SNTB1: variants seen among roughly 807,000 people sequenced by gnomAD.
SNTB1 encodes syntrophin beta 1.
Under a neutral mutation model 48.9 loss-of-function variants are expected in SNTB1, and 36 were observed. The observed-to-expected ratio is 0.74, with a 90% confidence interval of 0.56 to 0.97. SNTB1 has a LOEUF of 0.97. Ranked by LOEUF, SNTB1 falls within the 50% of genes least tolerant of loss-of-function variation. SNTB1 has a pLI of 0.00. For missense variants in SNTB1, 786 were observed against 703.4 expected, an observed-to-expected ratio of 1.12 and a Z score of -1.33; for synonymous variants, 299 against 294.6, an observed-to-expected ratio of 1.01 and a Z score of -0.15.
At chr8:120,549,197 A>T (rs1295824853) in intron 4 of SNTB1, among the ~76,000 whole-genome samples, 1 of 152,226 alleles carries the variant, frequency 6.6e-6, no homozygotes, top group Non-Finnish European at 1.5e-5. Flanking sequence ...TAATTTGTGC[A>T]AATTCAACTA....
intron 1 of SNTB1, among the ~76,000 whole-genome samples, chr8:120,791,677 C>G (rs77870609): frequency 0.023 from 3,498 of 151,924 alleles, 129 homozygotes; most frequent in African/African-American, 0.08. Context: ...AGAAGATATA[C>G]AAATTCCAAC....
chr8:120,611,098 C>T (rs977936323), intron 3 of SNTB1, among the ~76,000 whole-genome samples: 11 of 152,200 alleles, frequency 7.2e-5, no homozygotes, highest in African/African-American at 2.7e-4. Flanking sequence ...AATAAGAGCC[C>T]TGAGCAGGTC....
intron 4 of SNTB1, among the ~76,000 whole-genome samples, chr8:120,566,854 A>C (rs1815758093): frequency 6.6e-6 from 1 of 152,306 alleles, no homozygotes; most frequent in South Asian, 2.1e-4. Context: ...ACTTTGCATG[A>C]TTAGGGGTAA....
chr8:120,754,337 A>G (rs1819276443), intron 1 of SNTB1, among the ~76,000 whole-genome samples: 1 of 152,110 alleles, frequency 6.6e-6, no homozygotes. Context: ...TACAAAAAAA[A>G]TCAAGAAAAA....
chr8:120,674,153 A>G (rs1191127465), intron 2 of SNTB1, among the ~76,000 whole-genome samples: 1 of 152,212 alleles, frequency 6.6e-6, no homozygotes, highest in Non-Finnish European at 1.5e-5. Context: ...TCATTGCTGA[A>G]GAAATTCTAA....
chr8:120,599,787 C>CT (rs1816392995), intron 3 of SNTB1, among the ~76,000 whole-genome samples: 1 of 152,098 alleles, frequency 6.6e-6, no homozygotes, highest in African/African-American at 2.4e-5. Context: ...ATATTAAGTG[C>CT]TTTTCTCTTT....
At chr8:120,606,912 A>T (rs1410362355) in intron 3 of SNTB1, among the ~76,000 whole-genome samples, 1 of 152,224 alleles carries the variant, frequency 6.6e-6, no homozygotes, top group Non-Finnish European at 1.5e-5. Context: ...CCACAATTAC[A>T]TACCATTGTT....
chr8:120,772,551 G>T (rs1249967466), intron 1 of SNTB1, among the ~76,000 whole-genome samples: 1 of 152,146 alleles, frequency 6.6e-6, no homozygotes, highest in Admixed American at 6.5e-5. Context: ...CCAGCCAGGG[G>T]CACACTTTTA....
intron 1 of SNTB1, among the ~76,000 whole-genome samples, chr8:120,730,764 C>A (rs1406875455): frequency 6.6e-6 from 1 of 152,024 alleles, no homozygotes. Context: ...GTGATTTGAA[C>A]CTTTTAAATA....
chr8:120,792,753 G>A (rs767050606), intron 1 of SNTB1, among the ~76,000 whole-genome samples: 1 of 151,954 alleles, frequency 6.6e-6, no homozygotes, highest in Non-Finnish European at 1.5e-5. Flanking sequence ...TTTACGAAAA[G>A]GTAGCTGGTT....
chr8:120,734,931 C>G (rs1042370351), intron 1 of SNTB1, among the ~76,000 whole-genome samples: 2 of 152,136 alleles, frequency 1.3e-5, no homozygotes, highest in Non-Finnish European at 1.5e-5. Flanking sequence ...GAACACATCT[C>G]AACTGTTTTT....
rs1817201271 is a variant in SNTB1 at position 120,641,800 on chromosome 8, T to C, written c.789-9149A>G. Among the ~76,000 whole-genome samples the C allele has an allele frequency of 3.9e-5, 6 of 152,368 alleles. No individual in the cohort carries two copies. In the South Asian group the frequency reaches 1.2e-3, roughly 32 times the overall value. On this transcript the variant is annotated intron_variant, in intron 2 of 6. Coordinates refer to ENST00000517992, the MANE Select transcript of SNTB1 (RefSeq NM_021021.4). ...CCTTTTGTATACCCTTTCCAGTTCC[T>C]GTCCTCTCATATAATCACTATTCAA...
intron 3 of SNTB1, among the ~76,000 whole-genome samples, chr8:120,586,089 T>C (rs1702623422): frequency 6.6e-6 from 1 of 152,176 alleles, no homozygotes; most frequent in Non-Finnish European, 1.5e-5. Context: ...GAGTCATAAA[T>C]TCATATTATT....
chr8:120,653,890 T>C (rs921850875), intron 2 of SNTB1, among the ~76,000 whole-genome samples: 2 of 150,868 alleles, frequency 1.3e-5, no homozygotes, highest in African/African-American at 4.9e-5. Context: ...ATACAAAAAA[T>C]TAGCCGGGCA....
chr8:120,574,335 G>A (rs143476967), intron 4 of SNTB1, among the ~76,000 whole-genome samples: 6 of 152,200 alleles, frequency 3.9e-5, no homozygotes, highest in Non-Finnish European at 7.4e-5. Flanking sequence ...TACCTAAAAC[G>A]TTGCTAAGAG....
chr8:120,713,704 T>C (rs560929848), intron 1 of SNTB1, among the ~76,000 whole-genome samples: 1 of 152,332 alleles, frequency 6.6e-6, no homozygotes, highest in East Asian at 1.9e-4. Context: ...CACTCCAGCC[T>C]GGGCAACAGA....
chr8:120,769,098 T>C (rs1819576245), intron 1 of SNTB1: 1 of 152,204 alleles, frequency 6.6e-6, no homozygotes, highest in South Asian at 2.1e-4. Flanking sequence ...AGACAAGGCA[T>C]CTGACGGTGT....
intron 2 of SNTB1, among the ~76,000 whole-genome samples, chr8:120,634,852 A>AT (rs11347235): frequency 0.27 from 36,914 of 139,214 alleles, 5,013 homozygotes; most frequent in Middle Eastern, 0.38. Context: ...ATTAGTATTC[A>AT]TTTTTTTTTT....
chr8:120,598,949 G>A (rs1816373962), intron 3 of SNTB1, among the ~76,000 whole-genome samples: 2 of 152,142 alleles, frequency 1.3e-5, no homozygotes, highest in African/African-American at 2.4e-5. Context: ...TTACATGTAG[G>A]ACCCAGTGAA....
Sources: gnomAD v4.1 joint callset for allele counts (sites outside exome capture counted in the v4.1 genomes callset) on GRCh38, gnomAD v4.1.1 for gene constraint, MANE v1.5 for transcripts, NCBI Gene and HGNC (gene_info 2026-07-23, HGNC 2026-07-21) for gene names.